Variants in SESTD1 observed in about 807,000 individuals in gnomAD.
SESTD1 encodes SEC14 domain and spectrin repeat-containing protein 1.
SESTD1 carries 43 observed loss-of-function variants against 101.7 expected under a neutral mutation model. The observed-to-expected ratio is 0.42, with a 90% CI of 0.33 to 0.55. The LOEUF is 0.55. Ranked by LOEUF, SESTD1 falls within the 20% of genes least tolerant of loss-of-function variation. The probability of loss-of-function intolerance (pLI) is 0.07; values close to 1 mark genes in which losing one functional copy is unlikely to be tolerated. For missense variants in SESTD1, 647 were observed against 815.1 expected (o/e 0.79, Z 2.51); for synonymous variants, 283 against 286.8 (o/e 0.99, Z 0.13).
chr2:179,234,209 A>G (rs918393674), intron 1 of SESTD1, among the ~76,000 whole-genome samples: 4 of 152,116 alleles, frequency 2.6e-5, no homozygotes, highest in African/African-American at 4.8e-5. Flanking sequence ...TTCCTGCCTG[A>G]TGGCCTTCAA....
At chr2:179,180,126 G>A (rs905663508) in intron 3 of SESTD1, among the ~76,000 whole-genome samples, 10 of 152,026 alleles carry the variant, frequency 6.6e-5, no homozygotes, top group Admixed American at 5.2e-4. Context: ...AACAAACTTA[G>A]GGCCAACCTG....
intron 13 of SESTD1, among the ~76,000 whole-genome samples, chr2:179,118,191 T>C (rs979589683): frequency 1.1e-4 from 16 of 152,204 alleles, no homozygotes; most frequent in African/African-American, 3.9e-4. Context: ...TAAAATAATA[T>C]TTAATTCTGA....
chr2:179,143,843 G>A, intron 8 of SESTD1, 40 bp from the exon 9 acceptor site: 1 of 1,592,360 alleles, frequency 6.3e-7, no homozygotes, highest in South Asian at 1.1e-5. Context: ...TATCTGTAAA[G>A]AAATGTAATT....
chr2:179,187,527 G>A (rs546827340), intron 2 of SESTD1, among the ~76,000 whole-genome samples: 3 of 152,222 alleles, frequency 2.0e-5, no homozygotes, highest in South Asian at 4.1e-4. Context: ...CCAGCTAGTC[G>A]AAAGGCTGAG....
At chr2:179,258,156 T>C (rs1462692818) in intron 1 of SESTD1, among the ~76,000 whole-genome samples, 1 of 152,248 alleles carries the variant, frequency 6.6e-6, no homozygotes, top group Admixed American at 6.5e-5. Flanking sequence ...AAGTATTTTG[T>C]ATTCTGCAGA....
chr2:179,241,556 G>A, intron 1 of SESTD1, among the ~76,000 whole-genome samples: 1 of 152,056 alleles, frequency 6.6e-6, no homozygotes, highest in African/African-American at 2.4e-5. Flanking sequence ...TCATGATGGG[G>A]GCTCAAGCAG....
intron 1 of SESTD1, among the ~76,000 whole-genome samples, chr2:179,197,636 G>A (rs796396782): frequency 0.018 from 2,192 of 123,544 alleles, no homozygotes; most frequent in South Asian, 0.022. Context: ...CAAGCCAGAA[G>A]AGAGTGGGGG....
At chr2:179,218,807 C>A (rs976110381) in intron 1 of SESTD1, among the ~76,000 whole-genome samples, 1 of 152,156 alleles carries the variant, frequency 6.6e-6, no homozygotes, top group South Asian at 2.1e-4. Context: ...GAGACCACGT[C>A]ATTTATTTTT....
intron 1 of SESTD1, among the ~76,000 whole-genome samples, chr2:179,230,628 G>T (rs921884596): frequency 1.3e-5 from 2 of 151,960 alleles, no homozygotes; most frequent in African/African-American, 4.8e-5. Context: ...CCAAGAGAAT[G>T]AAAATGAGAT....
At chr2:179,193,513 C>G (rs1428436477) in intron 1 of SESTD1, among the ~76,000 whole-genome samples, 1 of 152,136 alleles carries the variant, frequency 6.6e-6, no homozygotes, top group Non-Finnish European at 1.5e-5. Flanking sequence ...AATCTCCTGT[C>G]CTGTGACCAG....
intron 5 of SESTD1, among the ~76,000 whole-genome samples, chr2:179,170,056 G>T (rs544069065): frequency 6.6e-6 from 1 of 150,384 alleles, no homozygotes; most frequent in Non-Finnish European, 1.5e-5. Flanking sequence ...ATAGATCACA[G>T]ATCTAAATTT....
At position 179,209,673 on chromosome 2, in the gene SESTD1, G is replaced by A. The variant is rs959895024; in HGVS notation, c.-25-17807C>T. ...TTTCTTTGAACTGAACAATAATAGC[G>A]ACACAACCTATCAACACCTCTGGGA... On this transcript the variant is annotated intron_variant, in intron 1 of 17. Coordinates refer to ENST00000428443, the MANE Select transcript of SESTD1 (RefSeq NM_178123.5). Among the ~76,000 whole-genome samples, 16 of 133,356 alleles carry A rather than the reference G, an allele frequency of 1.2e-4. 4 individuals carry two copies. The highest frequency in any genetic ancestry group is 2.1e-4 in the Non-Finnish European group (13 of 62,328). The allele number at this position is 133,356 out of a possible 152,430, so 87.5% of individuals were successfully genotyped here.
chr2:179,191,867 C>A lies in SESTD1; in HGVS notation c.-25-1G>T, dbSNP rs758356217. The A allele has an allele frequency of 6.3e-7, 1 of 1,587,654 alleles. No homozygotes were observed. Among genetic ancestry groups the A allele is most frequent in the Non-Finnish European group, 8.6e-7 (1 of 1,160,640 alleles). ...TTTACTCCAGTGAACTTCCTTAATT[C>A]TGAAAACACAGAAAGTCAAATGTCA... On this transcript the variant is annotated splice_acceptor_variant, in intron 1 of 17. Transcript: ENST00000428443. LOFTEE classifies it low-confidence loss of function (5UTR_SPLICE).
At chr2:179,234,910 G>GCC (rs946294516) in intron 1 of SESTD1, among the ~76,000 whole-genome samples, 13 of 150,384 alleles carry the variant, frequency 8.6e-5, no homozygotes, top group Non-Finnish European at 1.2e-4. Flanking sequence ...GGAGTTCAAG[G>GCC]CCAGCCTGGG....
At chr2:179,150,020 G>A (rs2045483437) in intron 6 of SESTD1, among the ~76,000 whole-genome samples, 2 of 152,064 alleles carry the variant, frequency 1.3e-5, no homozygotes, top group South Asian at 4.1e-4. Context: ...TTGAGCCCAG[G>A]AGTTCATGAC....
At chr2:179,176,103 G>A (rs1484427999) in intron 4 of SESTD1, among the ~76,000 whole-genome samples, 1 of 152,128 alleles carries the variant, frequency 6.6e-6, no homozygotes, top group Non-Finnish European at 1.5e-5. Flanking sequence ...GGTGCAAGAG[G>A]GAGAATGATA....
intron 1 of SESTD1, among the ~76,000 whole-genome samples, chr2:179,195,064 T>C (rs1396660601): frequency 6.6e-6 from 1 of 152,206 alleles, no homozygotes; most frequent in Non-Finnish European, 1.5e-5. Context: ...CTGGCTGCTT[T>C]AGAAGCCTCC....
intron 9 of SESTD1, among the ~76,000 whole-genome samples, chr2:179,133,715 CA>C (rs2045067819): frequency 1.3e-5 from 2 of 152,260 alleles, no homozygotes; most frequent in South Asian, 4.1e-4. Flanking sequence ...AAGAGCAGTG[CA>C]GATATACATT....
chr2:179,225,339 C>T (rs2046870118), intron 1 of SESTD1, among the ~76,000 whole-genome samples: 3 of 151,958 alleles, frequency 2.0e-5, no homozygotes, highest in East Asian at 1.9e-4. Flanking sequence ...TTCTCATGCT[C>T]GTGGTAATTA....
Sources: gnomAD v4.1 joint callset for allele counts (sites outside exome capture counted in the v4.1 genomes callset) on GRCh38, gnomAD v4.1.1 for gene constraint, MANE v1.5 for transcripts, NCBI Gene and HGNC (gene_info 2026-07-23, HGNC 2026-07-21) for gene names.